Variants in ZDHHC13 observed in about 807,000 individuals in gnomAD.
ZDHHC13 encodes the protein zDHHC palmitoyltransferase 13, also known as palmitoyltransferase ZDHHC13.
In ZDHHC13, 85 loss-of-function variants were observed where a neutral mutation model predicts 86.0. The observed-to-expected ratio is 0.99, with a 90% CI of 0.83 to 1.18. ZDHHC13 has a LOEUF of 1.18. Among genes scored for constraint, ZDHHC13 ranks in the 50% most tolerant of loss-of-function variants. ZDHHC13 has a pLI of 0.00. For synonymous variants in ZDHHC13, 263 were observed against 246.4 expected (o/e 1.07, Z -0.63); for missense variants, 711 against 730.2 (o/e 0.97, Z 0.30).
At chr11:19,165,443 A>G (rs190574468) in intron 13 of ZDHHC13, among the ~76,000 whole-genome samples, 1 of 152,346 alleles carries the variant, frequency 6.6e-6, no homozygotes, top group African/African-American at 2.4e-5. Context: ...AACTAGTAAT[A>G]CATAAGCCTA....
At chr11:19,132,572 T>G (rs1197786730) in intron 1 of ZDHHC13, among the ~76,000 whole-genome samples, 2 of 152,300 alleles carry the variant, frequency 1.3e-5, no homozygotes, top group Non-Finnish European at 2.9e-5. Flanking sequence ...GCCCCCTTTT[T>G]TCTGGTTGGC....
chr11:19,140,993 C>G (rs546795503), intron 1 of ZDHHC13, among the ~76,000 whole-genome samples: 14 of 150,938 alleles, frequency 9.3e-5, no homozygotes, highest in African/African-American at 3.4e-4. Context: ...TGCAGCGCAC[C>G]GGCATGGCAC....
At chr11:19,130,775 A>G (rs1848979898) in intron 1 of ZDHHC13, among the ~76,000 whole-genome samples, 1 of 151,326 alleles carries the variant, frequency 6.6e-6, no homozygotes, top group Non-Finnish European at 1.5e-5. Flanking sequence ...CTTATGTCTG[A>G]TGAGAAGTCT....
chr11:19,147,654 C>T lies in ZDHHC13; in HGVS notation c.355C>T (p.Pro119Ser). The part of the protein sequence containing the change: ...DQLGGDLNST[P>S]LHWAIRQGHL... ...GTTGGGTGGAGATTTAAATTCAACTCCTCTTCACTGGGCCATCCGGTAAGG... is the reference window on the plus strand; with the variant it reads ...GTTGGGTGGAGATTTAAATTCAACTTCTCTTCACTGGGCCATCCGGTAAGG... Residue 119 changes from proline (P) to serine (S), a missense_variant, in exon 4 of 17, where the codon CCT (proline) becomes TCT (serine). Transcript: ENST00000446113. 6.2e-7 allele frequency: 1 copy of T among 1,601,690 alleles called. No individual in the cohort carries two copies. Among genetic ancestry groups the T allele is most frequent in the Non-Finnish European group, 8.5e-7 (1 of 1,173,540 alleles).
chr11:19,142,943 C>A (rs1849362096), intron 1 of ZDHHC13, 35 bp from the exon 2 acceptor site: 3 of 1,558,846 alleles, frequency 1.9e-6, no homozygotes, highest in African/African-American at 1.4e-5. Flanking sequence ...GACATTAATT[C>A]TCTCATGCTT....
intron 11 of ZDHHC13, among the ~76,000 whole-genome samples, 161 bp downstream of exon 11, chr11:19,163,588 G>A (rs1051921988): frequency 3.3e-5 from 5 of 152,038 alleles, no homozygotes; most frequent in African/African-American, 7.2e-5. Context: ...TTTCATTTAT[G>A]TATATGAAAG....
At chr11:19,174,859 A>T (rs992280896) in intron 16 of ZDHHC13, among the ~76,000 whole-genome samples, 1 of 152,168 alleles carries the variant, frequency 6.6e-6, no homozygotes, top group Admixed American at 6.5e-5. Context: ...CTGGAGCAGG[A>T]GATTTATAAA....
Position 19,160,810 on chromosome 11 carries a change from G to GT in ZDHHC13, c.1108+1778dup, listed in dbSNP as rs201594498. Among the ~76,000 whole-genome samples, 1,434 of 151,746 alleles carry GT rather than the reference G, an allele frequency of 9.5e-3. 31 individuals carry two copies. Among genetic ancestry groups the GT allele is most frequent in the African/African-American group, 0.025 (1,031 of 41,200 alleles). ...AGTAATAAACCTATTTCTTGGATGA[G>GT]TTTTTTTTGTTTGTTTTTGTTTTAA... On this transcript the variant is annotated intron_variant, in intron 10 of 16. Coordinates refer to ENST00000446113, the MANE Select transcript of ZDHHC13 (RefSeq NM_019028.3).
chr11:19,172,685 A>T lies in ZDHHC13; in HGVS notation c.1633-38A>T, dbSNP rs759693262. On this transcript the variant is annotated intron_variant, in intron 15 of 16. Coordinates refer to ENST00000446113, the MANE Select transcript of ZDHHC13 (RefSeq NM_019028.3). ...ATTGTTTTATTTATCTAAAAGTTGC[A>T]CACTGAATGTGTGCAACCTTCCACC... The T allele has an allele frequency of 8.7e-6, 13 of 1,500,300 alleles. No individual in the cohort carries two copies. In the Admixed American group the frequency reaches 2.9e-4, roughly 34 times the overall value. The allele number at this position is 1,500,300 out of a possible 1,614,324, so 92.9% of individuals were successfully genotyped here.
chr11:19,117,115 C>T, upstream of ZDHHC13: 1 of 942,200 alleles, frequency 1.1e-6, no homozygotes, highest in South Asian at 1.5e-5. The surrounding 1 kb of genome is among the most constrained non-coding windows in gnomAD (Gnocchi z 4.2). Flanking sequence ...CGGCTCAGGG[C>T]ACGAGCGGGG....
chr11:19,155,733 A>G (rs1056794248), intron 8 of ZDHHC13, 63 bp from the exon 9 acceptor site: 1 of 1,542,080 alleles, frequency 6.5e-7, no homozygotes, highest in African/African-American at 1.4e-5. Context: ...CTTATATTGC[A>G]CTATTATTAG....
At chr11:19,155,017 G>A (rs1262889972) in intron 8 of ZDHHC13, among the ~76,000 whole-genome samples, 2 of 152,128 alleles carry the variant, frequency 1.3e-5, no homozygotes, top group South Asian at 2.1e-4. Flanking sequence ...AAAATTCTAC[G>A]TTCTCCAAAC....
rs183406666 is a variant in ZDHHC13 at position 19,144,304 on chromosome 11, T to C, written c.173+1181T>C. 1.7e-3 allele frequency among the ~76,000 whole-genome samples: 261 copies of C among 152,236 alleles called. 2 individuals carry two copies. Among genetic ancestry groups the C allele is most frequent in the Non-Finnish European group, 2.2e-3 (152 of 68,022 alleles). ...ATAAATGTCAGAAATTAGGCTCTTT[T>C]TAGAGGGAATCTCAGTAAAAACTCG... On this transcript the variant is annotated intron_variant, in intron 2 of 16. Transcript: ENST00000446113.
chr11:19,121,850 G>A (rs925122465), intron 1 of ZDHHC13, among the ~76,000 whole-genome samples: 2 of 152,118 alleles, frequency 1.3e-5, no homozygotes, highest in African/African-American at 4.8e-5. Context: ...GTAGAAATGA[G>A]CCAAAAATAG....
At chr11:19,147,772 TC>T (rs146892489) in intron 4 of ZDHHC13, 99 bp downstream of exon 4, 29,069 of 398,800 alleles carry the variant, frequency 0.073, 188 homozygotes, top group East Asian at 0.12. Context: ...TGTCTTTTCT[TC>T]CCCCCCCCCC....
intron 16 of ZDHHC13, among the ~76,000 whole-genome samples, chr11:19,173,193 CGTTCACTTGTGT>C (rs1850271769): frequency 6.6e-6 from 1 of 152,130 alleles, no homozygotes; most frequent in Non-Finnish European, 1.5e-5. Context: ...CTGTAGAGAG[CGTTCACTTGTGT>C]GCTTTGCCAG....
chr11:19,138,734 A>C (rs1312964984), intron 1 of ZDHHC13, among the ~76,000 whole-genome samples: 81 of 151,344 alleles, frequency 5.4e-4, no homozygotes, highest in East Asian at 2.5e-3. Flanking sequence ...TGGGCTTCAT[A>C]CCTGGGATGC....
In ZDHHC13 at chr11:19,176,008, G is replaced by T; in HGVS notation, c.*48G>T. On this transcript the variant is annotated 3_prime_UTR_variant, in exon 17 of 17. Transcript: ENST00000446113. ...AATCTGATTTGTTTTTGTTTATGTC[G>T]ATGCCCTGTAGTTTGAAAGTGAAGT... 1 of 1,560,650 alleles carries T rather than the reference G, an allele frequency of 6.4e-7. No individual in the cohort carries two copies.
At position 19,172,361 on chromosome 11, in the gene ZDHHC13, G is replaced by A. The variant is rs373825028; in HGVS notation, c.1633-362G>A. Reference sequence around the variant, plus strand: ...GCTGGGATTACAGGCGTGAGCCACCGTGCCCTGCCGCAGTTAGGTATTTTA... The same window carrying A: ...GCTGGGATTACAGGCGTGAGCCACCATGCCCTGCCGCAGTTAGGTATTTTA... On this transcript the variant is annotated intron_variant, in intron 15 of 16. Transcript: ENST00000446113. Among the ~76,000 whole-genome samples the A allele has an allele frequency of 6.2e-3, 942 of 152,236 alleles. 7 individuals carry two copies. Among genetic ancestry groups the A allele is most frequent in the Non-Finnish European group, 9.7e-3 (657 of 68,020 alleles).
Sources: allele counts gnomAD v4.1 joint callset (sites outside exome capture counted in the v4.1 genomes callset), GRCh38; gene constraint gnomAD v4.1.1; non-coding constraint Gnocchi (gnomAD v3.1); transcripts MANE v1.5; gene names NCBI Gene and HGNC (gene_info 2026-07-23, HGNC 2026-07-21).